The following SLC30A6 variants were observed in gnomAD, a reference collection of about 807,000 sequenced individuals.
SLC30A6 encodes the protein zinc transporter 6.
In SLC30A6, 55 loss-of-function variants were observed where a neutral mutation model predicts 63.0. The observed-to-expected ratio is 0.87, with a 90% CI of 0.70 to 1.09. SLC30A6 has a LOEUF of 1.09. SLC30A6 is among the 50% of genes least tolerant of loss of function. SLC30A6 has a pLI of 0.00. For missense variants in SLC30A6, 587 were observed against 549.2 expected, an observed-to-expected ratio of 1.07 and a Z score of -0.69; for synonymous variants, 224 against 186.1, an observed-to-expected ratio of 1.20 and a Z score of -1.66.
chr2:32,201,602 G>T (rs1301565129), intron 10 of SLC30A6: 57 of 1,496,164 alleles, frequency 3.8e-5, no homozygotes, highest in Non-Finnish European at 4.9e-5. Flanking sequence ...GGCCAGTAAT[G>T]CCTGGGAAAC....
intron 10 of SLC30A6, 27 bp downstream of exon 10, chr2:32,197,853 A>G (rs1683937498): frequency 2.5e-6 from 4 of 1,611,366 alleles, no homozygotes; most frequent in Non-Finnish European, 2.5e-6. Flanking sequence ...GTTGTCAAGT[A>G]TGTTTTGATT....
At chr2:32,177,459 T>G in intron 4 of SLC30A6, 1 of 236,776 alleles carries the variant, frequency 4.2e-6, no homozygotes, top group South Asian at 3.5e-5. Flanking sequence ...CACGGCTAAT[T>G]TTTTGTATTT....
intron 13 of SLC30A6, among the ~76,000 whole-genome samples, chr2:32,215,760 A>G (rs982834813): frequency 6.6e-6 from 1 of 151,896 alleles, no homozygotes; most frequent in African/African-American, 2.4e-5. Flanking sequence ...GCTAGAGTGC[A>G]GGGGTATAGT....
rs918229334 is a variant in SLC30A6 at position 32,206,311 on chromosome 2, T to C, written c.769-575T>C. 3.3e-5 allele frequency among the ~76,000 whole-genome samples: 5 copies of C among 151,962 alleles called. No individual in the cohort carries two copies. In the East Asian group the frequency reaches 9.8e-4, roughly 30 times the overall value. On this transcript the variant is annotated intron_variant, in intron 11 of 13. Transcript: ENST00000282587. Reference sequence around the variant, plus strand: ...AATGCAAAAAATTAGCCGGGCATGGTGGCGAGTGCCTGTAGTCCCAGCTAC... The same window carrying C: ...AATGCAAAAAATTAGCCGGGCATGGCGGCGAGTGCCTGTAGTCCCAGCTAC...
chr2:32,212,550 T>C (rs148324084), intron 13 of SLC30A6, among the ~76,000 whole-genome samples: 1 of 151,734 alleles, frequency 6.6e-6, no homozygotes, highest in East Asian at 1.9e-4. Flanking sequence ...GAAAGATTTT[T>C]GTTCTGGCTT....
chr2:32,200,463 G>A (rs1338813955), intron 10 of SLC30A6, among the ~76,000 whole-genome samples: 4 of 151,558 alleles, frequency 2.6e-5, no homozygotes, highest in Admixed American at 6.6e-5. Context: ...CTGTGTCTGT[G>A]TAGAAAGAAG....
chr2:32,199,856 T>C (rs1215275179), intron 10 of SLC30A6, among the ~76,000 whole-genome samples: 1 of 152,152 alleles, frequency 6.6e-6, no homozygotes, highest in Non-Finnish European at 1.5e-5. Flanking sequence ...GGCTTACACC[T>C]GTAGTCCCAG....
intron 4 of SLC30A6, among the ~76,000 whole-genome samples, chr2:32,179,585 G>A (rs888011554): frequency 6.6e-6 from 1 of 152,140 alleles, no homozygotes; most frequent in African/African-American, 2.4e-5. Flanking sequence ...TGGGTATAGG[G>A]AACCCACTTA....
intron 2 of SLC30A6, among the ~76,000 whole-genome samples, chr2:32,171,812 C>T (rs1216688227): frequency 2.0e-5 from 3 of 152,076 alleles, no homozygotes; most frequent in Non-Finnish European, 2.9e-5. Flanking sequence ...CCTGCCTCAG[C>T]CTCCCAAGTA....
In SLC30A6 at chr2:32,192,973, A is replaced by G. The variant is rs752637840; in HGVS notation, c.401+20A>G. 1.4e-6 allele frequency: 2 copies of G among 1,455,158 alleles called. No individual in the cohort carries two copies. Among genetic ancestry groups the G allele is most frequent in the Non-Finnish European group, 1.9e-6 (2 of 1,062,226 alleles). 90.1% of individuals were successfully genotyped at this position (1,455,158 alleles called of 1,614,324 possible). A position where few individuals can be genotyped will look rare whatever the true frequency, so the allele number is the denominator to read the frequency against. On this transcript the variant is annotated intron_variant, in intron 7 of 13. Transcript: ENST00000282587. ...ACACACGTGAGATTTTATTTTCAAT[A>G]TATAATTTACTATTGATTCTTAATT...
chr2:32,171,139 C>T, intron 1 of SLC30A6, 148 bp from the exon 2 acceptor site: 1 of 555,426 alleles, frequency 1.8e-6, no homozygotes, highest in Non-Finnish European at 3.2e-6. Context: ...CATAAATACA[C>T]ATAAAGTGTC....
chr2:32,184,164 C>G, intron 4 of SLC30A6, 109 bp from the exon 5 acceptor site: 1 of 381,914 alleles, frequency 2.6e-6, no homozygotes, highest in Non-Finnish European at 4.8e-6. Context: ...TTAATTTAGT[C>G]TGTGCAAACA....
intron 7 of SLC30A6, 75 bp downstream of exon 7, chr2:32,193,028 C>T: frequency 3.0e-6 from 3 of 986,346 alleles, no homozygotes; most frequent in Non-Finnish European, 3.0e-6. Context: ...AACAGTTGGC[C>T]AATGTCAGAT....
intron 5 of SLC30A6, among the ~76,000 whole-genome samples, chr2:32,189,384 C>T (rs757406451): frequency 6.6e-6 from 1 of 151,142 alleles, no homozygotes; most frequent in Non-Finnish European, 1.5e-5. Flanking sequence ...CTCCACCTCC[C>T]GGATTTAAGC....
chr2:32,206,661 A>G (rs1684802540), intron 11 of SLC30A6, among the ~76,000 whole-genome samples: 1 of 152,090 alleles, frequency 6.6e-6, no homozygotes. Context: ...TTTAAGTGTT[A>G]TTTATCTTTT....
At position 32,179,958 on chromosome 2, in the gene SLC30A6, G is replaced by A. The variant is rs72863945; in HGVS notation, c.219-4315G>A. 3.0e-3 allele frequency among the ~76,000 whole-genome samples: 450 copies of A among 152,170 alleles called. 4 individuals are homozygous for A. Among genetic ancestry groups the A allele is most frequent in the African/African-American group, 0.01 (426 of 41,524 alleles). On this transcript the variant is annotated intron_variant, in intron 4 of 13. Coordinates refer to ENST00000282587, the MANE Select transcript of SLC30A6 (RefSeq NM_017964.5). The stretch of plus-strand genomic sequence containing the variant: ...ACGCCAATTTAAAAATAAATAAAAA[G>A]CAGTTTAAATATGTTACCGCCAAGA...
At chr2:32,207,774 C>T (rs1339802243) in intron 12 of SLC30A6, among the ~76,000 whole-genome samples, 1 of 143,874 alleles carries the variant, frequency 7.0e-6, no homozygotes, top group Non-Finnish European at 1.5e-5. Flanking sequence ...AATCTCGGCT[C>T]ACTGCAACCT....
At position 32,220,543 on chromosome 2, in the gene SLC30A6, A is replaced by G. The variant is rs566872491; in HGVS notation, c.1216A>G (p.Thr406Ala). 4.3e-6 allele frequency: 7 copies of G among 1,614,170 alleles called. No individual in the cohort carries two copies. The East Asian group carries it at 1.3e-4, about 31-fold the overall frequency. ...VNPVILLNTQ[T>A]RPYGFGLNHG... ...CCCAGTTATTCTTCTAAACACACAAACAAGGCCTTATGGTTTTGGTCTCAA... is the reference window on the plus strand; with the variant it reads ...CCCAGTTATTCTTCTAAACACACAAGCAAGGCCTTATGGTTTTGGTCTCAA... The change falls in exon 14 of 14, where the codon ACA (threonine) becomes GCA (alanine). Residue 406 changes from threonine (T) to alanine (A), a missense_variant. Physicochemically the swap from Thr to Ala is moderately conservative, Grantham distance 58 (BLOSUM62 0). Coordinates refer to ENST00000282587, the MANE Select transcript of SLC30A6 (RefSeq NM_017964.5).
chr2:32,190,217 G>T (rs967082175), intron 5 of SLC30A6, among the ~76,000 whole-genome samples: 2 of 152,076 alleles, frequency 1.3e-5, no homozygotes, highest in African/African-American at 4.8e-5. Flanking sequence ...CTAGCACTTT[G>T]GGAGGGTGAG....
Sources: gnomAD v4.1 joint callset for allele counts (sites outside exome capture counted in the v4.1 genomes callset) on GRCh38, gnomAD v4.1.1 for gene constraint, MANE v1.5 for transcripts, NCBI Gene and HGNC (gene_info 2026-07-23, HGNC 2026-07-21) for gene names.